The following AKAP13 variants were observed in gnomAD, a reference collection of about 807,000 sequenced individuals.
The protein encoded by AKAP13 is A-kinase anchoring protein 13, also known as A-kinase anchor protein 13.
AKAP13 carries 80 observed loss-of-function variants against 264.5 expected under a neutral mutation model. The observed-to-expected ratio is 0.30, with a 90% confidence interval of 0.25 to 0.36. The LOEUF (loss-of-function observed/expected upper bound fraction) is 0.36. Among genes scored for constraint, AKAP13 ranks in the 10% least tolerant of loss-of-function variants. The pLI, the probability that AKAP13 is intolerant of heterozygous loss-of-function variation, is 1.00. For synonymous variants in AKAP13, 1,380 were observed against 1,250.2 expected (o/e 1.10, Z -2.19); for missense variants, 3,712 against 3,435.2 (o/e 1.08, Z -2.01).
At chr15:85,683,543 C>T (rs1414917112) in intron 15 of AKAP13, 6 of 152,386 alleles carry the variant, frequency 3.9e-5, no homozygotes, top group South Asian at 4.1e-4. Flanking sequence ...AATCTCGGCT[C>T]ACTGCACCCT....
At chr15:85,525,760 A>C (rs577794041) in intron 3 of AKAP13, among the ~76,000 whole-genome samples, 48 of 152,312 alleles carry the variant, frequency 3.2e-4, no homozygotes, top group African/African-American at 1.1e-3. Flanking sequence ...TAGGATTGGC[A>C]AATAGTGTAC....
At chr15:85,404,673 C>T (rs2071584338) in intron 1 of AKAP13, among the ~76,000 whole-genome samples, 1 of 152,168 alleles carries the variant, frequency 6.6e-6, no homozygotes, top group Admixed American at 6.5e-5. Flanking sequence ...TGTTTCCTAT[C>T]CTGGTTGTAA....
At chr15:85,520,210 TTGCGGC>T (rs990281721) in intron 2 of AKAP13, among the ~76,000 whole-genome samples, 3 of 151,944 alleles carry the variant, frequency 2.0e-5, no homozygotes, top group Admixed American at 6.6e-5. Context: ...TAAAGAGTAT[TTGCGGC>T]TGGGTACGGT....
intron 1 of AKAP13, among the ~76,000 whole-genome samples, chr15:85,430,210 T>C (rs1262250037): frequency 2.0e-5 from 3 of 152,218 alleles, no homozygotes; most frequent in Admixed American, 2.0e-4. Flanking sequence ...AGTTTACCCT[T>C]AATAAGGGCA....
intron 2 of AKAP13, among the ~76,000 whole-genome samples, chr15:85,489,708 A>G (rs1194952185): frequency 6.6e-6 from 1 of 152,234 alleles, no homozygotes. Flanking sequence ...GTCAGTTAAG[A>G]CAAATAGGCT....
chr15:85,670,059 G>A (rs958716254), intron 14 of AKAP13, among the ~76,000 whole-genome samples: 26 of 152,012 alleles, frequency 1.7e-4, no homozygotes, highest in African/African-American at 6.3e-4. Context: ...GTATTTGTGG[G>A]CATGAATCTG....
chr15:85,491,704 A>G (rs1038749071), intron 2 of AKAP13, among the ~76,000 whole-genome samples: 2 of 152,020 alleles, frequency 1.3e-5, no homozygotes, highest in African/African-American at 4.8e-5. Context: ...TAAGTGGTGT[A>G]TAATATGATT....
chr15:85,436,976 G>A (rs1596166697), intron 1 of AKAP13, among the ~76,000 whole-genome samples: 1 of 150,178 alleles, frequency 6.7e-6, no homozygotes, highest in Non-Finnish European at 1.5e-5. Context: ...AATCAGAGCA[G>A]AACTGAAGGA....
chr15:85,485,597 G>A (rs550579191), intron 1 of AKAP13, 113 bp from the exon 2 acceptor site: 36 of 835,974 alleles, frequency 4.3e-5, no homozygotes, highest in Middle Eastern at 2.3e-4. Flanking sequence ...TGGTAATCTC[G>A]GGCACGGGAT....
At chr15:85,638,230 T>C (rs1162168591) in intron 8 of AKAP13, among the ~76,000 whole-genome samples, 1 of 152,160 alleles carries the variant, frequency 6.6e-6, no homozygotes, top group East Asian at 1.9e-4. Flanking sequence ...TTCCCCAGTA[T>C]CTTTTGTTTT....
intron 2 of AKAP13, among the ~76,000 whole-genome samples, chr15:85,496,559 A>G (rs565220421): frequency 6.6e-6 from 1 of 152,318 alleles, no homozygotes; most frequent in East Asian, 1.9e-4. Context: ...ACCTCAGCTT[A>G]GTGTTCTCAG....
chr15:85,561,450 C>T (rs2078375580), intron 5 of AKAP13, among the ~76,000 whole-genome samples: 1 of 152,182 alleles, frequency 6.6e-6, no homozygotes, highest in Non-Finnish European at 1.5e-5. Context: ...CTTAACATTG[C>T]ATCTGAAAAT....
chr15:85,741,689 G>C (rs1367378584), intron 35 of AKAP13, among the ~76,000 whole-genome samples, 194 bp downstream of exon 35: 4 of 112,380 alleles, frequency 3.6e-5, no homozygotes, highest in Admixed American at 1.1e-4. Flanking sequence ...GGGAGACTCT[G>C]TCTCTCCTAA....
At chr15:85,561,609 A>G (rs1027457589) in intron 5 of AKAP13, among the ~76,000 whole-genome samples, 4 of 152,246 alleles carry the variant, frequency 2.6e-5, no homozygotes, top group African/African-American at 9.6e-5. Context: ...GAATGTTGGT[A>G]TATTAGATAT....
At chr15:85,658,088 G>T (rs1380693514) in intron 11 of AKAP13, among the ~76,000 whole-genome samples, 1 of 152,044 alleles carries the variant, frequency 6.6e-6, no homozygotes, top group Non-Finnish European at 1.5e-5. Context: ...GGGATCTCCT[G>T]TTTGAATTTA....
At chr15:85,436,575 C>T (rs1596165188) in intron 1 of AKAP13, among the ~76,000 whole-genome samples, 2 of 147,978 alleles carry the variant, frequency 1.4e-5, no homozygotes, top group Admixed American at 1.3e-4. Flanking sequence ...AAGTAAAGCT[C>T]TCCTCAGCAA....
chr15:85,719,443 G>A, intron 23 of AKAP13, 117 bp downstream of exon 23: 1 of 1,343,428 alleles, frequency 7.4e-7, no homozygotes, highest in Non-Finnish European at 1.0e-6. Flanking sequence ...GTAAGCTCAG[G>A]GAACTTATTT....
At position 85,747,601 on chromosome 15, in the gene AKAP13, G is replaced by T. The variant is rs1382818142; in HGVS notation, c.*2924G>T. 1.3e-5 allele frequency: 2 copies of T among 152,582 alleles called. No individual in the cohort carries two copies. The highest frequency in any genetic ancestry group is 4.8e-5 in the African/African-American group (2 of 41,424). 9.5% of individuals were successfully genotyped at this position (152,582 alleles called of 1,614,324 possible). A position where few individuals can be genotyped will look rare whatever the true frequency, so the allele number is the denominator to read the frequency against. On this transcript the variant is annotated 3_prime_UTR_variant, in exon 37 of 37. Coordinates refer to ENST00000394518, the MANE Select transcript of AKAP13 (RefSeq NM_007200.5). ...TCTCTCAATTCCAGTCATCTCAGTC[G>T]TTGTCGTTAGGTGACATGTGCACTT...
At chr15:85,606,190 CT>C (rs1473052586) in intron 8 of AKAP13, among the ~76,000 whole-genome samples, 9 of 147,566 alleles carry the variant, frequency 6.1e-5, no homozygotes, top group Non-Finnish European at 1.0e-4. Context: ...CAACCTCCGC[CT>C]CTAGGGTTCA....
Sources: allele counts gnomAD v4.1 joint callset (sites outside exome capture counted in the v4.1 genomes callset), GRCh38; gene constraint gnomAD v4.1.1; transcripts MANE v1.5; gene names NCBI Gene and HGNC (gene_info 2026-07-23, HGNC 2026-07-21).